The following CTNND2 variants were observed in gnomAD, a reference collection of about 807,000 sequenced individuals.
CTNND2 encodes catenin delta-2.
A neutral mutation model predicts 144.4 loss-of-function variants in CTNND2; 22 were observed. That is an observed-to-expected ratio of 0.15 (90% CI 0.11 to 0.22). The LOEUF is 0.22. Ranked by LOEUF, CTNND2 falls within the 10% of genes least tolerant of loss-of-function variation. The probability of loss-of-function intolerance (pLI) is 1.00; values close to 1 mark genes in which losing one functional copy is unlikely to be tolerated. For missense variants in CTNND2, 1,353 were observed against 1,618.8 expected, an observed-to-expected ratio of 0.84 and a Z score of 2.82; for synonymous variants, 751 against 695.6, an observed-to-expected ratio of 1.08 and a Z score of -1.25.
At chr5:11,387,546 G>T (rs971748957) in intron 6 of CTNND2, among the ~76,000 whole-genome samples, 13 of 151,986 alleles carry the variant, frequency 8.6e-5, no homozygotes, top group African/African-American at 2.7e-4. Context: ...TATCAACTGG[G>T]GCCTGAGCAA....
intron 3 of CTNND2, among the ~76,000 whole-genome samples, chr5:11,487,972 G>C (rs193026524): frequency 5.3e-5 from 8 of 152,242 alleles, no homozygotes; most frequent in Non-Finnish European, 7.4e-5. Context: ...CCTGCAGATA[G>C]CAGGTATGTC....
intron 3 of CTNND2, among the ~76,000 whole-genome samples, chr5:11,532,544 T>C (rs1773838846): frequency 1.3e-5 from 2 of 152,192 alleles, no homozygotes; most frequent in Admixed American, 6.5e-5. Context: ...TATTGAGCTA[T>C]TGAGCACCTA....
chr5:11,120,501 G>GCA (rs1754000869), intron 12 of CTNND2, among the ~76,000 whole-genome samples: 1 of 147,980 alleles, frequency 6.8e-6, no homozygotes, highest in Admixed American at 6.7e-5. Flanking sequence ...CTGTCCGCAG[G>GCA]GGTAATGAGG....
intron 2 of CTNND2, among the ~76,000 whole-genome samples, chr5:11,687,247 T>C (rs568862116): frequency 1.3e-5 from 2 of 152,358 alleles, no homozygotes; most frequent in African/African-American, 2.4e-5. Context: ...TCCCTGACCT[T>C]TGACATTCTT....
chr5:11,870,963 T>A (rs1735056286), intron 1 of CTNND2, among the ~76,000 whole-genome samples: 1 of 152,188 alleles, frequency 6.6e-6, no homozygotes, highest in African/African-American at 2.4e-5. Flanking sequence ...AAATCCTAAT[T>A]CCCAGTGTAA....
chr5:11,729,665 C>A (rs1226702680), intron 2 of CTNND2, among the ~76,000 whole-genome samples: 1 of 152,168 alleles, frequency 6.6e-6, no homozygotes, highest in East Asian at 1.9e-4. Flanking sequence ...TAAAATCTTA[C>A]CTATTTAGTC....
chr5:11,722,613 G>A (rs1190321308), intron 2 of CTNND2, among the ~76,000 whole-genome samples: 1 of 152,192 alleles, frequency 6.6e-6, no homozygotes, highest in Non-Finnish European at 1.5e-5. Flanking sequence ...GGTAGAAGGG[G>A]AAGCAAACAT....
intron 9 of CTNND2, among the ~76,000 whole-genome samples, chr5:11,277,207 A>T (rs1746627806): frequency 6.6e-6 from 1 of 152,154 alleles, no homozygotes; most frequent in African/African-American, 2.4e-5. Context: ...AGAATAGAGG[A>T]TACAACTCAA....
intron 1 of CTNND2, among the ~76,000 whole-genome samples, chr5:11,885,640 A>C (rs1001248227): frequency 1.3e-5 from 2 of 152,156 alleles, no homozygotes; most frequent in Non-Finnish European, 2.9e-5. Flanking sequence ...TTCAACAAAC[A>C]AACACTGGAG....
At chr5:11,479,163 G>GGAATGTC (rs1175942957) in intron 3 of CTNND2, among the ~76,000 whole-genome samples, 1 of 152,034 alleles carries the variant, frequency 6.6e-6, no homozygotes, top group Non-Finnish European at 1.5e-5. Flanking sequence ...TTCACCCTCA[G>GGAATGTC]GAATGTCCTA....
At chr5:11,137,233 C>A (rs1756250056) in intron 12 of CTNND2, among the ~76,000 whole-genome samples, 1 of 152,140 alleles carries the variant, frequency 6.6e-6, no homozygotes, top group Non-Finnish European at 1.5e-5. Flanking sequence ...TTCATTAGTT[C>A]ATTTCTTATT....
At chr5:11,523,934 T>C (rs1772986540) in intron 3 of CTNND2, among the ~76,000 whole-genome samples, 1 of 152,230 alleles carries the variant, frequency 6.6e-6, no homozygotes, top group Admixed American at 6.5e-5. Flanking sequence ...TCTATCTGTG[T>C]TGCTGTCACA....
At chr5:11,151,001 C>T (rs1313652491) in intron 12 of CTNND2, among the ~76,000 whole-genome samples, 2 of 152,072 alleles carry the variant, frequency 1.3e-5, no homozygotes, top group African/African-American at 2.4e-5. Context: ...ATCACATCTA[C>T]AAGCTGGAGA....
chr5:11,317,381 A>G lies in CTNND2; in HGVS notation c.1628+28991T>C, dbSNP rs564499731. Among the ~76,000 whole-genome samples the G allele has an allele frequency of 3.3e-5, 5 of 152,308 alleles. No homozygotes were observed. The South Asian group carries it at 1.0e-3, about 32-fold the overall frequency. On this transcript the variant is annotated intron_variant, in intron 9 of 21. Coordinates refer to ENST00000304623, the MANE Select transcript of CTNND2 (RefSeq NM_001332.4). ...CAGCATAGTTAGCTGAACAAATAAT[A>G]CTTTAATGCCCAGAAAACACACTGA...
intron 21 of CTNND2, among the ~76,000 whole-genome samples, chr5:10,978,731 G>A (rs977070316): frequency 1.3e-5 from 2 of 152,248 alleles, no homozygotes; most frequent in Non-Finnish European, 2.9e-5. Flanking sequence ...TTTGCCTGAG[G>A]CCCAGTGGCC....
rs762183790 is a variant in CTNND2, at chr5:11,159,694, C to T, written c.2041G>A (p.Val681Ile). ...KMPIIQDALA[V>I]LTNAVIIPHS... ...GGGATAATCACCGCGTTGGTCAGTA[C>T]TGCTAGGGCATCCTGGATGATTGGC... Residue 681 changes from valine (V) to isoleucine (I), a missense_variant, in exon 12 of 22, where the codon GTA (valine) becomes ATA (isoleucine). By Grantham distance (29) the Val-to-Ile change is conservative. This residue lies in a region of CTNND2 where 117 missense variants were observed against 117.8 expected (regional missense o/e 0.99). Transcript: ENST00000304623. 2.5e-6 allele frequency: 4 copies of T among 1,612,612 alleles called. No homozygotes were observed. The highest frequency in any genetic ancestry group is 1.1e-5 in the South Asian group (1 of 90,664).
At chr5:11,256,391 C>T (rs983262594) in intron 9 of CTNND2, among the ~76,000 whole-genome samples, 5 of 152,144 alleles carry the variant, frequency 3.3e-5, no homozygotes, top group Non-Finnish European at 5.9e-5. Context: ...GCACTTGTCA[C>T]GTTGAAACTT....
At chr5:11,732,338 C>T in intron 1 of CTNND2, 66 bp from the exon 2 acceptor site, 1 of 1,506,984 alleles carries the variant, frequency 6.6e-7, no homozygotes. Context: ...AACTATCAGA[C>T]CACTTTGAAG....
At chr5:11,491,471 C>G (rs904754458) in intron 3 of CTNND2, among the ~76,000 whole-genome samples, 1 of 152,238 alleles carries the variant, frequency 6.6e-6, no homozygotes, top group East Asian at 1.9e-4. Context: ...ACTCATGTGT[C>G]GAGAAGTTAA....
Sources: allele counts gnomAD v4.1 joint callset (sites outside exome capture counted in the v4.1 genomes callset), GRCh38; gene constraint gnomAD v4.1.1; regional missense constraint gnomAD v4.1.1; transcripts MANE v1.5; gene names NCBI Gene and HGNC (gene_info 2026-07-23, HGNC 2026-07-21).